UBR3: variants seen among roughly 807,000 people sequenced by gnomAD.
The protein encoded by UBR3 is ubiquitin protein ligase E3 component n-recognin 3, also known as E3 ubiquitin-protein ligase UBR3.
UBR3 carries 85 observed loss-of-function variants against 243.2 expected under a neutral mutation model. The ratio of observed to expected loss-of-function variants is 0.35; its 90% CI spans 0.29 to 0.42. UBR3 has a LOEUF of 0.42. Ranked by LOEUF, UBR3 falls within the 10% of genes least tolerant of loss-of-function variation. The pLI is 1.00. For missense variants in UBR3, 1,686 were observed against 2,300.8 expected (o/e 0.73, Z 5.47); for synonymous variants, 748 against 799.8 (o/e 0.94, Z 1.09).
chr2:169,874,100 T>G (rs1055381123), intron 2 of UBR3, among the ~76,000 whole-genome samples: 3 of 152,078 alleles, frequency 2.0e-5, no homozygotes, highest in Admixed American at 6.6e-5. Context: ...TGAATGTAGG[T>G]TCATGGAAGT....
chr2:169,993,216 A>T (rs1314846321), intron 25 of UBR3, among the ~76,000 whole-genome samples: 1 of 152,196 alleles, frequency 6.6e-6, no homozygotes, highest in Non-Finnish European at 1.5e-5. Context: ...GTACATATTT[A>T]TGGGGTACAT....
chr2:169,899,526 T>C (rs2084729314), intron 8 of UBR3, among the ~76,000 whole-genome samples: 1 of 152,200 alleles, frequency 6.6e-6, no homozygotes, highest in Admixed American at 6.5e-5. Context: ...TTTTTAATTA[T>C]ACTTTAAGGT....
At position 169,949,677 on chromosome 2, in the gene UBR3, A is replaced by G. The variant is rs756999896; in HGVS notation, c.3157A>G (p.Ser1053Gly). 3 of 1,551,538 alleles carry G rather than the reference A, an allele frequency of 1.9e-6. No homozygotes were observed. The highest frequency in any genetic ancestry group is 2.6e-6 in the Non-Finnish European group (3 of 1,146,710). ...RKKFQEIINR[S>G]SSEANQVVRP... ...GAAATTTCAGGAAATCATCAATCGC[A>G]GTAGCAGTGAAGCAAATCAGGTGGT... is the stretch of plus-strand genomic sequence containing the variant. Residue 1053 changes from serine to glycine, a missense_variant, in exon 23 of 39, where the codon AGT (serine) becomes GGT (glycine). Ser to Gly is a moderately conservative substitution (Grantham distance 56, BLOSUM62 0). This residue lies in a region of UBR3 where 300 missense variants were observed against 314.4 expected (regional missense o/e 0.95). Coordinates refer to ENST00000272793, the MANE Select transcript of UBR3 (RefSeq NM_172070.4).
chr2:169,842,501 A>G lies in UBR3; in HGVS notation c.545+14449A>G, dbSNP rs547309013. Reference sequence around the variant, plus strand: ...AAGCTTTGTTCTTTCACTCTTTGCAATAAATCTTGCTACTGCTCACTCTTT... The same window carrying G: ...AAGCTTTGTTCTTTCACTCTTTGCAGTAAATCTTGCTACTGCTCACTCTTT... On this transcript the variant is annotated intron_variant, in intron 1 of 38. Transcript: ENST00000272793. 4.6e-5 allele frequency among the ~76,000 whole-genome samples: 7 copies of G among 152,238 alleles called. No homozygotes were observed. In the South Asian group the frequency reaches 8.3e-4, roughly 18 times the overall value.
chr2:169,863,242 T>C (rs2083148666), intron 1 of UBR3, among the ~76,000 whole-genome samples: 1 of 152,216 alleles, frequency 6.6e-6, no homozygotes, highest in Non-Finnish European at 1.5e-5. Context: ...TTCAGAGGAA[T>C]CATAAGGAGA....
At chr2:169,964,655 T>G (rs933318720) in intron 24 of UBR3, 1 of 366,318 alleles carries the variant, frequency 2.7e-6, no homozygotes, top group Non-Finnish European at 5.5e-6. Flanking sequence ...TGACCTGAAG[T>G]TTGGAATTGC....
rs2091144020 is a variant in UBR3 at position 170,048,558 on chromosome 2, TGGCTTATGCTA to T, written c.4661-6900_4661-6890del. Reference sequence around the variant, plus strand: ...TGACCTTCCTCAAAGGACTTGCTCTTGGCTTATGCTAGAGGCTGTGATTCCCAGCTTGCTGA... The same window carrying T: ...TGACCTTCCTCAAAGGACTTGCTCTTGAGGCTGTGATTCCCAGCTTGCTGA... On this transcript the variant is annotated intron_variant, in intron 32 of 38. Transcript: ENST00000272793. Among the ~76,000 whole-genome samples the T allele has an allele frequency of 8.5e-5, 13 of 152,344 alleles. No homozygotes were observed. In the South Asian group the frequency reaches 2.7e-3, roughly 32 times the overall value.
chr2:170,076,218 G>A (rs945489217), intron 36 of UBR3, among the ~76,000 whole-genome samples: 1 of 152,132 alleles, frequency 6.6e-6, no homozygotes, highest in Admixed American at 6.6e-5. Context: ...AAGAAAAGGG[G>A]TTATTTTCTA....
At chr2:169,925,459 A>T (rs1205861146) in intron 13 of UBR3, among the ~76,000 whole-genome samples, 160 bp from the exon 14 acceptor site, 1 of 152,206 alleles carries the variant, frequency 6.6e-6, no homozygotes, top group Non-Finnish European at 1.5e-5. Flanking sequence ...TGTTAAAAAA[A>T]ATGTAAAAAT....
At chr2:169,985,778 A>T (rs1402390761) in intron 24 of UBR3, among the ~76,000 whole-genome samples, 2 of 152,102 alleles carry the variant, frequency 1.3e-5, no homozygotes, top group African/African-American at 4.8e-5. Flanking sequence ...CATAAGTATC[A>T]GATGTGTGTA....
chr2:169,859,090 T>TC, intron 1 of UBR3, among the ~76,000 whole-genome samples: 1 of 143,690 alleles, frequency 7.0e-6, no homozygotes, highest in East Asian at 2.0e-4. Context: ...GCTTTTTTTT[T>TC]TTTTTTTTTT....
intron 5 of UBR3, among the ~76,000 whole-genome samples, chr2:169,890,146 T>C (rs1330020981): frequency 6.6e-6 from 1 of 152,162 alleles, no homozygotes; most frequent in Non-Finnish European, 1.5e-5. Context: ...TGAGTTCTGC[T>C]GCAAAGACAG....
At chr2:169,936,680 C>T (rs773343516) in intron 19 of UBR3, among the ~76,000 whole-genome samples, 2 of 151,986 alleles carry the variant, frequency 1.3e-5, no homozygotes, top group Non-Finnish European at 2.9e-5. Context: ...ACTCCCCCCA[C>T]CCCACAACAG....
At chr2:169,845,528 G>GTCGTCGTCT (rs2082444437) in intron 1 of UBR3, among the ~76,000 whole-genome samples, 1 of 107,902 alleles carries the variant, frequency 9.3e-6, no homozygotes, top group African/African-American at 3.3e-5. Context: ...CGTCGTCGTC[G>GTCGTCGTCT]TCGTCTTCTT....
intron 24 of UBR3, among the ~76,000 whole-genome samples, chr2:169,967,802 C>T (rs938870560): frequency 3.3e-5 from 5 of 151,790 alleles, no homozygotes; most frequent in East Asian, 3.9e-4. Context: ...TAAGCAAATA[C>T]CTATATATTT....
At chr2:169,841,870 A>T (rs979384346) in intron 1 of UBR3, among the ~76,000 whole-genome samples, 1 of 151,864 alleles carries the variant, frequency 6.6e-6, no homozygotes, top group Non-Finnish European at 1.5e-5. Context: ...ACCACCCCCT[A>T]CTCCACGGTG....
chr2:170,075,758 T>C (rs1284496886), intron 36 of UBR3, among the ~76,000 whole-genome samples: 2 of 152,128 alleles, frequency 1.3e-5, no homozygotes, highest in South Asian at 2.1e-4. Flanking sequence ...GCAGGGTAAA[T>C]GGTGACAGGA....
At chr2:169,857,507 C>T (rs985741943) in intron 1 of UBR3, among the ~76,000 whole-genome samples, 3 of 151,720 alleles carry the variant, frequency 2.0e-5, no homozygotes, top group Non-Finnish European at 4.4e-5. Context: ...ACATCCGCCT[C>T]CCAAGTTCAA....
chr2:169,983,707 G>A (rs1348267730), intron 24 of UBR3, among the ~76,000 whole-genome samples: 1 of 152,104 alleles, frequency 6.6e-6, no homozygotes, highest in African/African-American at 2.4e-5. Flanking sequence ...GCCATCTTGC[G>A]GTCATTTGGC....
Sources: allele counts gnomAD v4.1 joint callset (sites outside exome capture counted in the v4.1 genomes callset), GRCh38; gene constraint gnomAD v4.1.1; regional missense constraint gnomAD v4.1.1; transcripts MANE v1.5; gene names NCBI Gene and HGNC (gene_info 2026-07-23, HGNC 2026-07-21).